GSE1: variants seen among roughly 807,000 people sequenced by gnomAD.
GSE1 encodes Gse1 coiled-coil protein.
A neutral mutation model predicts 112.6 loss-of-function variants in GSE1; 32 were observed. That is an observed-to-expected ratio of 0.28 (90% CI 0.21 to 0.38). The LOEUF (loss-of-function observed/expected upper bound fraction) is 0.38. Ranked by LOEUF, GSE1 falls within the 10% of genes least tolerant of loss-of-function variation. GSE1 has a pLI of 1.00. For synonymous variants in GSE1, 1,115 were observed against 735.6 expected (o/e 1.52, Z -8.35); for missense variants, 2,348 against 1,699.2 (o/e 1.38, Z -6.71).
At chr16:85,224,072 T>C (rs2075439300) in intron 1 of GSE1, among the ~76,000 whole-genome samples, 1 of 151,860 alleles carries the variant, frequency 6.6e-6, no homozygotes, top group Non-Finnish European at 1.5e-5. Flanking sequence ...GCAGAGACAC[T>C]TCCTCCCTTG....
intron 2 of GSE1, among the ~76,000 whole-genome samples, chr16:85,415,379 A>G (rs1197521640): frequency 6.6e-6 from 1 of 152,244 alleles, no homozygotes; most frequent in Non-Finnish European, 1.5e-5. Context: ...TGAATGAATG[A>G]ACAAATGAAT....
At chr16:85,496,098 G>T (rs2051167461) in intron 2 of GSE1, among the ~76,000 whole-genome samples, 1 of 152,194 alleles carries the variant, frequency 6.6e-6, no homozygotes, top group African/African-American at 2.4e-5. Context: ...CTGTATGGGG[G>T]CACAGCTCGG....
At chr16:85,638,632 C>T (rs117900323) in intron 2 of GSE1, among the ~76,000 whole-genome samples, 2,162 of 151,852 alleles carry the variant, frequency 0.014, 23 homozygotes, top group Middle Eastern at 0.048. Flanking sequence ...ATGCAGCAGG[C>T]CTCCACCCTG....
At chr16:85,509,073 C>T (rs1378299024) in intron 2 of GSE1, among the ~76,000 whole-genome samples, 2 of 152,160 alleles carry the variant, frequency 1.3e-5, no homozygotes, top group African/African-American at 4.8e-5. Context: ...ATCCAGGTGG[C>T]CTCTGTAGAG....
chr16:85,436,929 G>A (rs924734985), intron 2 of GSE1, among the ~76,000 whole-genome samples: 1 of 152,216 alleles, frequency 6.6e-6, no homozygotes, highest in Admixed American at 6.5e-5. Flanking sequence ...CTCATCAGTG[G>A]GAGACATCTG....
intron 2 of GSE1, among the ~76,000 whole-genome samples, chr16:85,463,638 A>T (rs1258840413): frequency 6.6e-6 from 1 of 150,700 alleles, no homozygotes; most frequent in Non-Finnish European, 1.5e-5. Flanking sequence ...CTCTCAACCT[A>T]CCCCTCCCCA....
chr16:85,554,151 C>T (rs1015402996), upstream of GSE1, among the ~76,000 whole-genome samples: 1 of 142,876 alleles, frequency 7.0e-6, no homozygotes, highest in East Asian at 2.0e-4. Flanking sequence ...TTGCAGCGTG[C>T]GTTTAAGGAG....
rs762885333 is a variant in GSE1, at chr16:85,414,464, C to T, written c.2464+56821C>T. ...CTCGCATTTTCTATTCTGTTTTGTG[C>T]CATGGAAAAAGACTACTGCCCTGAC... On this transcript the variant is annotated intron_variant, in intron 2 of 2. Coordinates refer to the GSE1 transcript ENST00000637419. Among the ~76,000 whole-genome samples the T allele has an allele frequency of 9.9e-5, 15 of 152,168 alleles. 1 individual carries two copies. Among genetic ancestry groups the T allele is most frequent in the South Asian group, 4.1e-4 (2 of 4,826 alleles).
intron 2 of GSE1, among the ~76,000 whole-genome samples, chr16:85,511,580 C>G (rs2051748533): frequency 6.6e-6 from 1 of 151,646 alleles, no homozygotes; most frequent in Non-Finnish European, 1.5e-5. Context: ...GTCCTGATGC[C>G]CTGAACCTGT....
intron 1 of GSE1, among the ~76,000 whole-genome samples, chr16:85,266,310 G>A (rs1181020734): frequency 6.6e-6 from 1 of 152,196 alleles, no homozygotes; most frequent in Non-Finnish European, 1.5e-5. Flanking sequence ...CTCAGTTAGA[G>A]AAACTGAGGC....
At chr16:85,435,092 T>C (rs1049643378) in intron 2 of GSE1, among the ~76,000 whole-genome samples, 5 of 152,212 alleles carry the variant, frequency 3.3e-5, no homozygotes, top group Non-Finnish European at 5.9e-5. Context: ...CCCATTTTCA[T>C]TTTGCACTGG....
At chr16:85,483,049 A>T (rs2050731501) in intron 2 of GSE1, among the ~76,000 whole-genome samples, 1 of 152,178 alleles carries the variant, frequency 6.6e-6, no homozygotes, top group South Asian at 2.1e-4. Context: ...GATTCCACAC[A>T]TAAGGACTTC....
At chr16:85,341,993 C>T (rs997468456) in intron 1 of GSE1, among the ~76,000 whole-genome samples, 1 of 152,218 alleles carries the variant, frequency 6.6e-6, no homozygotes, top group Admixed American at 6.5e-5. Context: ...GGCAGGTGGT[C>T]TCTCTATCCC....
At chr16:85,530,881 C>T (rs531363180) in intron 2 of GSE1, among the ~76,000 whole-genome samples, 5 of 152,364 alleles carry the variant, frequency 3.3e-5, no homozygotes, top group African/African-American at 4.8e-5. Context: ...TTGCAGCCTC[C>T]GTGCCAGAGC....
intron 1 of GSE1, among the ~76,000 whole-genome samples, chr16:85,558,494 G>C (rs1256094417): frequency 6.6e-6 from 1 of 152,248 alleles, no homozygotes; most frequent in Non-Finnish European, 1.5e-5. Flanking sequence ...GACTCAGAAA[G>C]AGGAGGAGGA....
rs2151628603 is a variant in GSE1, at chr16:85,620,823, TG to T, written c.7+7429del. ...TCTCAGCCCTGGGTCTCTGCTGTGT[TG>T]GGGAAGCCGTGTAGATGGTCTTGGC... On this transcript the variant is annotated intron_variant, in intron 1 of 15. Transcript: ENST00000253458. 2.0e-5 allele frequency among the ~76,000 whole-genome samples: 3 copies of T among 150,456 alleles called. No homozygotes were observed. The South Asian group carries it at 6.3e-4, about 32-fold the overall frequency.
At chr16:85,403,667 T>C (rs1442850769) in intron 2 of GSE1, among the ~76,000 whole-genome samples, 5 of 152,006 alleles carry the variant, frequency 3.3e-5, no homozygotes, top group Non-Finnish European at 7.4e-5. Flanking sequence ...CCGGGTATGG[T>C]AGCACATGCC....
At chr16:85,544,375 C>T (rs1429229117) in intron 2 of GSE1, among the ~76,000 whole-genome samples, 2 of 152,132 alleles carry the variant, frequency 1.3e-5, no homozygotes, top group Non-Finnish European at 2.9e-5. Flanking sequence ...CGAGAATTCC[C>T]CCATCAGTTC....
intron 2 of GSE1, among the ~76,000 whole-genome samples, chr16:85,503,980 G>C (rs1159775071): frequency 6.6e-6 from 1 of 152,238 alleles, no homozygotes. Flanking sequence ...GGGAGGGTCA[G>C]GTGTGGCGGT....
Sources: allele counts gnomAD v4.1 joint callset (sites outside exome capture counted in the v4.1 genomes callset), GRCh38; gene constraint gnomAD v4.1.1; transcripts MANE v1.5; gene names NCBI Gene and HGNC (gene_info 2026-07-23, HGNC 2026-07-21).